Variants in HERC2 observed in about 807,000 individuals in gnomAD.
HERC2 encodes E3 ubiquitin-protein ligase HERC2.
In HERC2, 102 loss-of-function variants were observed where a neutral mutation model predicts 537.7. That is an observed-to-expected ratio of 0.19 (90% confidence interval 0.16 to 0.22). The LOEUF is 0.22. HERC2 is among the 10% of genes least tolerant of loss of function. HERC2 has a pLI of 1.00. For missense variants in HERC2, 4,236 were observed against 6,198.2 expected (o/e 0.68, Z 10.63); for synonymous variants, 2,224 against 2,466.2 (o/e 0.90, Z 2.91).
At chr15:28,282,081 A>T (rs1257435050) in intron 4 of HERC2, among the ~76,000 whole-genome samples, 1 of 152,144 alleles carries the variant, frequency 6.6e-6, no homozygotes, top group Non-Finnish European at 1.5e-5. Context: ...CATGGACACC[A>T]CTGGGGAGTC....
intron 78 of HERC2, among the ~76,000 whole-genome samples, chr15:28,138,438 A>G (rs561750896): frequency 2.6e-5 from 4 of 152,188 alleles, no homozygotes; most frequent in Non-Finnish European, 4.4e-5. Flanking sequence ...ATGCTCATTG[A>G]CCATTCTGAA....
chr15:28,215,812 G>A lies in HERC2; in HGVS notation c.6029-10C>T, dbSNP rs1451943929. ...AGCCTGTTTGGAGAAGCTGCAGGAG[G>A]GAAAATAGACATGCTTGGTAACAAG... On this transcript the variant is annotated splice_polypyrimidine_tract_variant and intron_variant, in intron 38 of 92. Coordinates refer to ENST00000261609, the MANE Select transcript of HERC2 (RefSeq NM_004667.6). 1 of 1,555,098 alleles carries A rather than the reference G, an allele frequency of 6.4e-7. No homozygotes were observed. Among genetic ancestry groups the A allele is most frequent in the South Asian group, 1.1e-5 (1 of 87,674 alleles).
chr15:28,302,901 T>C (rs2076674422), intron 2 of HERC2, among the ~76,000 whole-genome samples: 1 of 152,084 alleles, frequency 6.6e-6, no homozygotes, highest in Non-Finnish European at 1.5e-5. Context: ...TATATTCTGG[T>C]TATTAATCCT....
chr15:28,268,271 C>T lies in HERC2; in HGVS notation c.1598+194G>A, dbSNP rs988897007. On this transcript the variant is annotated intron_variant, in intron 12 of 92. Transcript: ENST00000261609. This position sits in a 1 kb window ranked among gnomAD's most constrained non-coding sequence, Gnocchi z 4.7. ...CAAGAAGAACAGAAAGGCCAATTCC[C>T]GTTGCCCTCCACACATGGGCAGAGC... 3.3e-5 allele frequency among the ~76,000 whole-genome samples: 5 copies of T among 152,128 alleles called. No individual in the cohort carries two copies. Among genetic ancestry groups the T allele is most frequent in the Non-Finnish European group, 5.9e-5 (4 of 68,044 alleles).
chr15:28,237,293 C>T lies in HERC2; in HGVS notation c.3853-180G>A, dbSNP rs556996266. Among the ~76,000 whole-genome samples the T allele has an allele frequency of 2.2e-3, 332 of 152,400 alleles. 1 individual carries two copies. The highest frequency in any genetic ancestry group is 4.2e-3 in the Non-Finnish European group (288 of 68,050). Reference sequence around the variant, plus strand: ...TGTGCCCAAGTAACAGCAGATACCACATAAACCCACATGCCCAGTAAAGCA... The same window carrying T: ...TGTGCCCAAGTAACAGCAGATACCATATAAACCCACATGCCCAGTAAAGCA... On this transcript the variant is annotated intron_variant, in intron 25 of 92. Transcript: ENST00000261609.
At chr15:28,230,316 A>G in intron 31 of HERC2, 51 bp downstream of exon 31, 4 of 1,570,974 alleles carry the variant, frequency 2.5e-6, no homozygotes, top group Non-Finnish European at 3.5e-6. Flanking sequence ...TTCCTGTGCT[A>G]CATGCTATGA....
intron 2 of HERC2, among the ~76,000 whole-genome samples, chr15:28,311,309 A>T (rs1158344591): frequency 3.3e-5 from 5 of 152,166 alleles, no homozygotes; most frequent in Admixed American, 2.0e-4. Context: ...TACAAAAAAT[A>T]CAAAAATTAA....
intron 86 of HERC2, chr15:28,117,807 C>T (rs1888444947): frequency 5.8e-6 from 2 of 346,784 alleles, no homozygotes; most frequent in South Asian, 4.4e-5. Flanking sequence ...CAGGGGCCTC[C>T]AATTCCCAAA....
Position 28,117,052 on chromosome 15 carries a change from G to A in HERC2, c.13375C>T (p.Leu4459Phe). 1.2e-6 allele frequency: 2 copies of A among 1,614,192 alleles called. No individual in the cohort carries two copies. Among genetic ancestry groups the A allele is most frequent in the African/African-American group, 1.3e-5 (1 of 75,062 alleles). The part of the protein sequence containing the change: ...AKMSSFGPDS[L>F]LLPHRVWKVK... ...TTCCAGACACGGTGAGGAAGGAGGA[G>A]GCTGTCGGGACCAAACGAGCTCATC... The change falls in exon 87 of 93, where the codon CTC becomes TTC. Residue 4459 changes from leucine (L) to phenylalanine (F), a missense_variant. Leu to Phe is a conservative substitution (Grantham distance 22). Transcript: ENST00000261609.
intron 70 of HERC2, among the ~76,000 whole-genome samples, chr15:28,149,036 AC>A (rs1892091949): frequency 6.6e-6 from 1 of 151,956 alleles, no homozygotes; most frequent in Admixed American, 6.6e-5. Flanking sequence ...GCACAAACGT[AC>A]ATTCTAGTAA....
intron 17 of HERC2, 125 bp downstream of exon 17, chr15:28,256,936 T>C (rs2075281491): frequency 1.2e-6 from 1 of 850,902 alleles, no homozygotes; most frequent in Non-Finnish European, 1.9e-6. Context: ...ATTAGTGCAT[T>C]ACAATCTTAC....
At chr15:28,313,294 C>A (rs1328963366) in intron 2 of HERC2, among the ~76,000 whole-genome samples, 1 of 151,804 alleles carries the variant, frequency 6.6e-6, no homozygotes, top group South Asian at 2.1e-4. Flanking sequence ...TCTCCTGCCT[C>A]AGCCTCCCGA....
Position 28,201,485 on chromosome 15 carries a change from A to G in HERC2, c.7687T>C (p.Tyr2563His). 1 of 1,610,984 alleles carries G rather than the reference A, an allele frequency of 6.2e-7. No individual in the cohort carries two copies. Among genetic ancestry groups the G allele is most frequent in the Non-Finnish European group, 8.5e-7 (1 of 1,177,126 alleles). Residue 2563 changes from tyrosine to histidine, a missense_variant, in exon 48 of 93, where the codon TAT (tyrosine) becomes CAT (histidine). Around this residue, in one of 27 missense-constraint regions of HERC2, gnomAD observed 606 missense variants for 884.5 expected, o/e 0.69. Coordinates refer to ENST00000261609, the MANE Select transcript of HERC2 (RefSeq NM_004667.6). ...ATATTCTCTCTCACATATACAGCAT[A>G]ATCATCATTACTCAAGAAATCAGCT... ...KRADFLSNDD[Y>H]AVYVRENIQV...
At chr15:28,246,956 A>G in intron 21 of HERC2, 59 bp from the exon 22 acceptor site, 1 of 1,422,012 alleles carries the variant, frequency 7.0e-7, no homozygotes, top group Non-Finnish European at 9.8e-7. Context: ...TTGTAAACAA[A>G]CTAACTGCTC....
intron 43 of HERC2, among the ~76,000 whole-genome samples, chr15:28,211,464 A>C (rs1899220943): frequency 1.3e-5 from 2 of 152,064 alleles, no homozygotes; most frequent in Admixed American, 6.5e-5. Context: ...AAGTTGCTGA[A>C]GTTTCAGCCG....
chr15:28,140,647 G>C (rs1188226378), intron 78 of HERC2, among the ~76,000 whole-genome samples: 2 of 151,676 alleles, frequency 1.3e-5, no homozygotes, highest in African/African-American at 4.8e-5. Context: ...TCAGCCTCCC[G>C]AGTAGCTGGG....
intron 44 of HERC2, among the ~76,000 whole-genome samples, chr15:28,210,465 C>CGT (rs1182637654): frequency 2.0e-5 from 3 of 152,080 alleles, no homozygotes; most frequent in Non-Finnish European, 2.9e-5. Context: ...CATGCCTTTT[C>CGT]GTGTGATAAA....
intron 2 of HERC2, among the ~76,000 whole-genome samples, chr15:28,304,731 T>A (rs962360753): frequency 1.4e-5 from 2 of 148,048 alleles, no homozygotes; most frequent in African/African-American, 5.1e-5. Context: ...TTTTTATACT[T>A]TAAGTTTTAG....
intron 4 of HERC2, among the ~76,000 whole-genome samples, chr15:28,280,566 T>G (rs553508647): frequency 2.5e-4 from 38 of 152,104 alleles, no homozygotes; most frequent in African/African-American, 9.2e-4. Context: ...TGACAGAGAC[T>G]CTTGAGCCAC....
Sources: gnomAD v4.1 joint callset for allele counts (sites outside exome capture counted in the v4.1 genomes callset) on GRCh38, gnomAD v4.1.1 for gene constraint, gnomAD v4.1.1 regional missense constraint, Gnocchi (gnomAD v3.1) non-coding constraint, MANE v1.5 for transcripts, NCBI Gene and HGNC (gene_info 2026-07-23, HGNC 2026-07-21) for gene names.